MCC: variants seen among roughly 807,000 people sequenced by gnomAD.
The protein encoded by MCC is colorectal mutant cancer protein.
A neutral mutation model predicts 116.2 loss-of-function variants in MCC; 90 were observed. The ratio of observed to expected loss-of-function variants is 0.77; its 90% CI spans 0.65 to 0.92. MCC has a LOEUF of 0.92. Among genes scored for constraint, MCC ranks in the 40% least tolerant of loss-of-function variants. The pLI, the probability that MCC is intolerant of heterozygous loss-of-function variation, is 0.00. For synonymous variants in MCC, 578 were observed against 510.5 expected (o/e 1.13, Z -1.78); for missense variants, 1,516 against 1,312.2 (o/e 1.16, Z -2.40).
intron 1 of MCC, among the ~76,000 whole-genome samples, chr5:113,470,565 G>A (rs1772057328): frequency 6.6e-6 from 1 of 152,130 alleles, no homozygotes; most frequent in Admixed American, 6.5e-5. Context: ...TTAGTCTGAT[G>A]GGCTTCCCTT....
intron 4 of MCC, among the ~76,000 whole-genome samples, chr5:113,144,925 T>C (rs904394067): frequency 2.0e-5 from 3 of 152,106 alleles, no homozygotes; most frequent in Non-Finnish European, 2.9e-5. Flanking sequence ...AGGATCAAGG[T>C]TGAATGAGGG....
intron 1 of MCC, among the ~76,000 whole-genome samples, chr5:113,390,996 TA>T (rs35067630): frequency 0.16 from 24,082 of 152,154 alleles, 2,624 homozygotes; most frequent in African/African-American, 0.3. Flanking sequence ...AATTAGGTCA[TA>T]AAAAGTAACA....
intron 8 of MCC, among the ~76,000 whole-genome samples, chr5:113,093,276 A>C (rs1019629356): frequency 2.0e-5 from 3 of 152,132 alleles, no homozygotes; most frequent in Admixed American, 2.0e-4. Context: ...CTGAGTGCCA[A>C]ATTACAACAA....
At chr5:113,086,528 C>A (rs938779772) in intron 8 of MCC, among the ~76,000 whole-genome samples, 2 of 152,144 alleles carry the variant, frequency 1.3e-5, no homozygotes, top group Admixed American at 1.3e-4. Context: ...AAAAGAAACA[C>A]GGGACCCTCT....
chr5:113,460,086 G>T (rs1272218128), intron 1 of MCC, among the ~76,000 whole-genome samples: 1 of 152,124 alleles, frequency 6.6e-6, no homozygotes. Context: ...GAAAACAGAT[G>T]TTTATACCTA....
rs544888507 is a variant in MCC at position 113,031,312 on chromosome 5, C to G, written c.2757-2256G>C. ...TGGGCCCTAGCAGCCTCCAGGACATCTCGGATCTGGCTGCATTTCCTCCCG... is the reference window on the plus strand; with the variant it reads ...TGGGCCCTAGCAGCCTCCAGGACATGTCGGATCTGGCTGCATTTCCTCCCG... On this transcript the variant is annotated intron_variant, in intron 17 of 18. Transcript: ENST00000408903. Among the ~76,000 whole-genome samples the G allele has an allele frequency of 1.4e-4, 22 of 152,296 alleles. No individual in the cohort carries two copies. The South Asian group carries it at 4.6e-3, about 32-fold the overall frequency.
At chr5:113,148,470 G>A (rs1759657288) in intron 4 of MCC, among the ~76,000 whole-genome samples, 2 of 152,064 alleles carry the variant, frequency 1.3e-5, no homozygotes, top group Admixed American at 1.3e-4. Flanking sequence ...CAGCTCTCTT[G>A]GTAATGTCTG....
chr5:113,273,508 T>C (rs985154235), intron 3 of MCC, among the ~76,000 whole-genome samples: 1 of 152,182 alleles, frequency 6.6e-6, no homozygotes, highest in Non-Finnish European at 1.5e-5. Context: ...AGAAATCTAA[T>C]AGGACATAAA....
At chr5:113,253,343 C>T (rs1037340702) in intron 3 of MCC, among the ~76,000 whole-genome samples, 1 of 152,128 alleles carries the variant, frequency 6.6e-6, no homozygotes, top group Non-Finnish European at 1.5e-5. Context: ...ACGGTTGGCC[C>T]CTAGTCTGAA....
At chr5:113,362,602 G>T (rs1454607422) in intron 2 of MCC, among the ~76,000 whole-genome samples, 1 of 151,992 alleles carries the variant, frequency 6.6e-6, no homozygotes, top group Non-Finnish European at 1.5e-5. Context: ...TTGTGGATTG[G>T]TGTATTTTTT....
Position 113,064,142 on chromosome 5 carries a change from GAT to G in MCC, c.2053_2054del (p.Ile685HisfsTer9). 6.2e-7 allele frequency: 1 copy of G among 1,613,236 alleles called. No individual in the cohort carries two copies. The highest frequency in any genetic ancestry group is 8.5e-7 in the Non-Finnish European group (1 of 1,179,494). On this transcript the variant is annotated frameshift_variant, in exon 14 of 19. Coordinates refer to ENST00000408903, the MANE Select transcript of MCC (RefSeq NM_001085377.2). LOFTEE classifies it high-confidence loss of function. ...SPGDQSGDEN[I>X]TQMLKRAHDC... ...CATGAGCTCGCTTGAGCATCTGAGT[GAT>G]GTTTTCATCCCCCGACTGGTCTCCT...
chr5:113,073,949 G>C (rs1188883837), intron 11 of MCC, among the ~76,000 whole-genome samples: 2 of 152,196 alleles, frequency 1.3e-5, no homozygotes, highest in Admixed American at 1.3e-4. Context: ...TCCACCGCTG[G>C]GGGCAGGGCA....
intron 3 of MCC, among the ~76,000 whole-genome samples, chr5:113,210,727 G>A (rs566241438): frequency 1.3e-5 from 2 of 152,306 alleles, no homozygotes; most frequent in African/African-American, 2.4e-5. Context: ...ATCTAGTAAA[G>A]ATAGAATTAC....
intron 2 of MCC, among the ~76,000 whole-genome samples, chr5:113,362,268 C>A (rs535375530): frequency 7.9e-5 from 12 of 152,330 alleles, no homozygotes; most frequent in African/African-American, 2.9e-4. Flanking sequence ...CTCAAGTGAT[C>A]TGCCTGCCTC....
intron 2 of MCC, among the ~76,000 whole-genome samples, chr5:113,379,326 G>C (rs1169719396): frequency 6.6e-6 from 1 of 152,232 alleles, no homozygotes; most frequent in African/African-American, 2.4e-5. Flanking sequence ...GATGAGGAAA[G>C]TAGTTGCAAG....
Position 113,320,139 on chromosome 5 carries a change from G to T in MCC, c.627+20380C>A, listed in dbSNP as rs562086912. 2.0e-5 allele frequency among the ~76,000 whole-genome samples: 3 copies of T among 152,212 alleles called. No homozygotes were observed. In the South Asian group the frequency reaches 6.2e-4, roughly 32 times the overall value. ...CTTCTATAATTTGACTCACTAGTATGCTTATTAGCGTATATAAACTTTTGC... is the reference window on the plus strand; with the variant it reads ...CTTCTATAATTTGACTCACTAGTATTCTTATTAGCGTATATAAACTTTTGC... On this transcript the variant is annotated intron_variant, in intron 3 of 18. Coordinates refer to ENST00000408903, the MANE Select transcript of MCC (RefSeq NM_001085377.2).
intron 3 of MCC, among the ~76,000 whole-genome samples, chr5:113,241,976 A>G (rs1275040560): frequency 6.6e-6 from 1 of 152,230 alleles, no homozygotes; most frequent in East Asian, 1.9e-4. Flanking sequence ...TATTCAAGGA[A>G]CTAATCCAGC....
intron 2 of MCC, among the ~76,000 whole-genome samples, chr5:113,352,495 G>A (rs1163771616): frequency 2.0e-5 from 3 of 151,882 alleles, no homozygotes; most frequent in African/African-American, 7.3e-5. Context: ...AACAGATTTT[G>A]AGAACTCACT....
At chr5:113,070,965 CGCCAGATATGCCTTGGTCCAAACT>C (rs1486842447) in intron 12 of MCC, 105 bp downstream of exon 12, 13 of 955,440 alleles carry the variant, frequency 1.4e-5, no homozygotes, top group African/African-American at 1.7e-5. Context: ...CTGTCCAAAC[CGCCAGATATGCCTTGGTCCAAACT>C]GCCAGATATG....
Sources: gnomAD v4.1 joint callset for allele counts (sites outside exome capture counted in the v4.1 genomes callset) on GRCh38, gnomAD v4.1.1 for gene constraint, MANE v1.5 for transcripts, NCBI Gene and HGNC (gene_info 2026-07-23, HGNC 2026-07-21) for gene names.